CFAP54: variants seen among roughly 807,000 people sequenced by gnomAD.
CFAP54 encodes cilia and flagella associated protein 54, also known as cilia- and flagella-associated protein 54.
A neutral mutation model predicts 370.4 loss-of-function variants in CFAP54; 290 were observed. The observed-to-expected ratio is 0.78, with a 90% CI of 0.71 to 0.86. The LOEUF (loss-of-function observed/expected upper bound fraction) is 0.86, where lower values mean the gene tolerates loss of function less well. CFAP54 is among the 40% of genes least tolerant of loss of function. CFAP54 has a pLI of 0.00. For synonymous variants in CFAP54, 1,206 were observed against 1,236.5 expected, an observed-to-expected ratio of 0.98 and a Z score of 0.52; for missense variants, 3,399 against 3,528.7, an observed-to-expected ratio of 0.96 and a Z score of 0.93.
intron 42 of CFAP54, among the ~76,000 whole-genome samples, chr12:96,688,527 C>G (rs1250605645): frequency 6.6e-6 from 1 of 152,064 alleles, no homozygotes. Context: ...TATGTTATGG[C>G]ACATCTGTAT....
intron 49 of CFAP54, among the ~76,000 whole-genome samples, chr12:96,719,867 G>A (rs1957727904): frequency 6.6e-6 from 1 of 152,202 alleles, no homozygotes; most frequent in African/African-American, 2.4e-5. Flanking sequence ...GGGCTGTGGT[G>A]TCCCTTATGG....
At chr12:96,743,249 C>A (rs955314130) in intron 52 of CFAP54, among the ~76,000 whole-genome samples, 153 bp from the exon 53 acceptor site, 1 of 152,172 alleles carries the variant, frequency 6.6e-6, no homozygotes, top group Non-Finnish European at 1.5e-5. Flanking sequence ...CATTTATTTT[C>A]CATGTTTCAT....
chr12:96,832,212 A>G (rs1959173219), intron 66 of CFAP54, among the ~76,000 whole-genome samples: 1 of 151,908 alleles, frequency 6.6e-6, no homozygotes, highest in African/African-American at 2.4e-5. Context: ...GCCTTCCACC[A>G]TGATTGTGAG....
rs1957401582 is a variant in CFAP54 at position 96,692,873 on chromosome 12, C to T, written c.6265-849C>T. 2.6e-5 allele frequency among the ~76,000 whole-genome samples: 4 copies of T among 152,196 alleles called. No individual in the cohort carries two copies. In the South Asian group the frequency reaches 8.3e-4, roughly 31 times the overall value. On this transcript the variant is annotated intron_variant, in intron 44 of 67. Transcript: ENST00000524981. ...TGCTAACTAATGGGGATCCCAATCTCCCTTCCACTCCATCTTCCTTTGGCA... is the reference window on the plus strand; with the variant it reads ...TGCTAACTAATGGGGATCCCAATCTTCCTTCCACTCCATCTTCCTTTGGCA...
At chr12:96,643,089 C>T (rs768692544) in intron 32 of CFAP54, among the ~76,000 whole-genome samples, 1 of 152,020 alleles carries the variant, frequency 6.6e-6, no homozygotes, top group Non-Finnish European at 1.5e-5. Flanking sequence ...CACATGGGGA[C>T]AAGATTGATT....
chr12:96,856,833 G>A (rs994175244), intron 66 of CFAP54, among the ~76,000 whole-genome samples: 1 of 151,918 alleles, frequency 6.6e-6, no homozygotes, highest in African/African-American at 2.4e-5. Context: ...ACATTTTCAG[G>A]TATCTTTACA....
At position 96,700,894 on chromosome 12, in the gene CFAP54, T is replaced by G. The variant is rs536405850; in HGVS notation, c.6474+801T>G. ...TAGGCACAATACCAGCTGGTTGGAT[T>G]CAAATTTGGAGGACCTAAAGCAACC... On this transcript the variant is annotated intron_variant, in intron 46 of 67. Transcript: ENST00000524981. Among the ~76,000 whole-genome samples, 11 of 152,246 alleles carry G rather than the reference T, an allele frequency of 7.2e-5. No individual in the cohort carries two copies. The South Asian group carries it at 1.0e-3, about 14-fold the overall frequency.
chr12:96,870,962 T>C (rs1413384297), intron 67 of CFAP54, among the ~76,000 whole-genome samples: 8 of 152,052 alleles, frequency 5.3e-5, no homozygotes, highest in African/African-American at 7.2e-5. Context: ...TCTTGCAAAA[T>C]ACGTAAGGGA....
At chr12:96,714,689 T>G (rs1957655163) in intron 48 of CFAP54, among the ~76,000 whole-genome samples, 1 of 152,014 alleles carries the variant, frequency 6.6e-6, no homozygotes, top group Non-Finnish European at 1.5e-5. Context: ...GAACTAACCC[T>G]TATTGGAGTG....
intron 17 of CFAP54, among the ~76,000 whole-genome samples, chr12:96,559,937 C>A (rs1208548501): frequency 2.0e-5 from 3 of 151,960 alleles, no homozygotes; most frequent in African/African-American, 7.3e-5. Context: ...TTACCTAACC[C>A]CAGATCATGA....
chr12:96,840,257 G>A (rs993332122), intron 66 of CFAP54, among the ~76,000 whole-genome samples: 1 of 152,198 alleles, frequency 6.6e-6, no homozygotes, highest in African/African-American at 2.4e-5. Context: ...AAACTAGGTG[G>A]ATTCTCAAAG....
chr12:96,580,612 A>G lies in CFAP54; in HGVS notation c.2812A>G (p.Ile938Val). 2.0e-6 allele frequency: 3 copies of G among 1,523,082 alleles called. No individual in the cohort carries two copies. Among genetic ancestry groups the G allele is most frequent in the Non-Finnish European group, 2.6e-6 (3 of 1,140,398 alleles). 94.3% of individuals were successfully genotyped at this position (1,523,082 alleles called of 1,614,324 possible). Residue 938 changes from isoleucine to valine, a missense_variant, in exon 21 of 68, where the codon ATT becomes GTT. Transcript: ENST00000524981. ...TCGTCGGCAGGTCTCCTGGTACTGCATTTTGGGTTGCAAAGCAGAAGGAAG... is the reference window on the plus strand; with the variant it reads ...TCGTCGGCAGGTCTCCTGGTACTGCGTTTTGGGTTGCAAAGCAGAAGGAAG... ...TSEVKVSWYC[I>V]LGCKAEGSYG... is the part of the protein sequence containing the mutation.
intron 19 of CFAP54, 49 bp from the exon 20 acceptor site, chr12:96,576,536 G>C: frequency 7.7e-7 from 1 of 1,304,832 alleles, no homozygotes; most frequent in Non-Finnish European, 1.0e-6. Context: ...AACGTAAATA[G>C]AGTTCAAGCT....
At chr12:96,683,882 C>G (rs1430600007) in intron 40 of CFAP54, among the ~76,000 whole-genome samples, 2 of 152,040 alleles carry the variant, frequency 1.3e-5, no homozygotes, top group African/African-American at 4.8e-5. Flanking sequence ...ACCTCCACCT[C>G]CCGGGTTCAA....
intron 46 of CFAP54, 69 bp downstream of exon 46, chr12:96,700,162 C>A: frequency 1.4e-6 from 2 of 1,460,788 alleles, no homozygotes; most frequent in Non-Finnish European, 1.9e-6. Context: ...ATGTAAGGAA[C>A]ATTCCCACGA....
chr12:96,644,913 G>A (rs1956772076), intron 33 of CFAP54, among the ~76,000 whole-genome samples: 1 of 152,158 alleles, frequency 6.6e-6, no homozygotes, highest in Admixed American at 6.6e-5. Context: ...TATTTCTTAA[G>A]TTTTAATCTC....
At chr12:96,860,267 G>A (rs965205772) in intron 66 of CFAP54, among the ~76,000 whole-genome samples, 2 of 149,888 alleles carry the variant, frequency 1.3e-5, no homozygotes, top group African/African-American at 2.5e-5. Context: ...TTTTCTTTCC[G>A]TCATTTTTGT....
At chr12:96,661,224 GC>G (rs996217402) in intron 38 of CFAP54, among the ~76,000 whole-genome samples, 9 of 152,230 alleles carry the variant, frequency 5.9e-5, no homozygotes, top group African/African-American at 2.2e-4. Flanking sequence ...CTGGTGAGCA[GC>G]CCCTATCCTG....
chr12:96,817,857 A>G lies in CFAP54; in HGVS notation c.9040A>G (p.Asn3014Asp), dbSNP rs1380233443. The change falls in exon 65 of 68, where the codon AAT becomes GAT. Residue 3014 changes from asparagine to aspartate, a missense_variant. Around this residue, in one of 3 missense-constraint regions of CFAP54, gnomAD observed 2,796 missense variants for 2,869.7 expected, o/e 0.97. Coordinates refer to ENST00000524981, the MANE Select transcript of CFAP54 (RefSeq NM_001306084.2). Reference protein sequence around the residue: ...SLPAAPEITSNENIYEVEVEE... With the variant: ...SLPAAPEITSDENIYEVEVEE... Reference sequence around the variant, plus strand: ...GCCAGCAGCTCCTGAAATTACCTCAAATGAAAACATATATGAAGTAGAAGT... The same window carrying G: ...GCCAGCAGCTCCTGAAATTACCTCAGATGAAAACATATATGAAGTAGAAGT... 2.0e-6 allele frequency: 3 copies of G among 1,518,132 alleles called. No homozygotes were observed. Among genetic ancestry groups the G allele is most frequent in the Middle Eastern group, 3.4e-4 (2 of 5,862 alleles). 94.0% of individuals were successfully genotyped at this position (1,518,132 alleles called of 1,614,324 possible). A position where few individuals can be genotyped will look rare whatever the true frequency, so the allele number is the denominator to read the frequency against.
Sources: allele counts gnomAD v4.1 joint callset (sites outside exome capture counted in the v4.1 genomes callset), GRCh38; gene constraint gnomAD v4.1.1; regional missense constraint gnomAD v4.1.1; transcripts MANE v1.5; gene names NCBI Gene and HGNC (gene_info 2026-07-23, HGNC 2026-07-21).